Variants in CTNNA3 observed in about 807,000 individuals in gnomAD.
CTNNA3 encodes the protein catenin alpha 3.
Under a neutral mutation model 95.7 loss-of-function variants are expected in CTNNA3, and 76 were observed. The observed-to-expected ratio is 0.79, with a 90% confidence interval of 0.66 to 0.96. CTNNA3 has a LOEUF of 0.96. CTNNA3 is among the 40% of genes least tolerant of loss of function. The pLI is 0.00. For missense variants in CTNNA3, 1,191 were observed against 1,089.8 expected, an observed-to-expected ratio of 1.09 and a Z score of -1.31; for synonymous variants, 431 against 374.4, an observed-to-expected ratio of 1.15 and a Z score of -1.74.
At chr10:66,610,071 G>A (rs1844272916) in intron 10 of CTNNA3, among the ~76,000 whole-genome samples, 7 of 152,092 alleles carry the variant, frequency 4.6e-5, no homozygotes, top group Admixed American at 4.6e-4. Context: ...ACACATAGAG[G>A]GAAACAATAG....
At chr10:67,589,046 A>G (rs1842719629) in intron 3 of CTNNA3, among the ~76,000 whole-genome samples, 1 of 152,060 alleles carries the variant, frequency 6.6e-6, no homozygotes, top group Non-Finnish European at 1.5e-5. Context: ...AGGTTTCAAT[A>G]AATAATTATT....
chr10:66,847,760 T>G (rs1347994153), intron 7 of CTNNA3, among the ~76,000 whole-genome samples: 1 of 152,112 alleles, frequency 6.6e-6, no homozygotes, highest in African/African-American at 2.4e-5. Context: ...ATGTATAAAT[T>G]TTATTTTGAG....
At chr10:66,052,170 G>A (rs2079972495) in intron 15 of CTNNA3, among the ~76,000 whole-genome samples, 2 of 152,068 alleles carry the variant, frequency 1.3e-5, no homozygotes, top group African/African-American at 4.8e-5. Flanking sequence ...ACAAACAGAA[G>A]GCATTCTTAC....
intron 5 of CTNNA3, among the ~76,000 whole-genome samples, chr10:67,345,501 C>T (rs567952785): frequency 1.2e-4 from 18 of 152,056 alleles, no homozygotes; most frequent in South Asian, 4.2e-4. Context: ...TATATCTGGG[C>T]GCTTCAGTGT....
At chr10:66,824,911 C>T (rs565005830) in intron 7 of CTNNA3, among the ~76,000 whole-genome samples, 11 of 152,074 alleles carry the variant, frequency 7.2e-5, no homozygotes, top group African/African-American at 2.7e-4. Context: ...CATTAATGTG[C>T]TAATGCCAGT....
intron 7 of CTNNA3, among the ~76,000 whole-genome samples, chr10:67,087,154 T>A (rs1469847188): frequency 6.6e-6 from 1 of 152,026 alleles, no homozygotes; most frequent in Non-Finnish European, 1.5e-5. Flanking sequence ...AAGATTTACA[T>A]GTAAATGAAC....
At chr10:66,931,930 T>A (rs553769086) in intron 7 of CTNNA3, among the ~76,000 whole-genome samples, 2 of 152,204 alleles carry the variant, frequency 1.3e-5, no homozygotes, top group Non-Finnish European at 2.9e-5. Context: ...GCAAGATACA[T>A]GTAATTTAGG....
At chr10:67,519,179 A>G (rs1320666231) in intron 5 of CTNNA3, among the ~76,000 whole-genome samples, 1 of 152,170 alleles carries the variant, frequency 6.6e-6, no homozygotes, top group African/African-American at 2.4e-5. Flanking sequence ...TCAGAAAAAC[A>G]GAAGTGAGAG....
At chr10:67,007,431 A>G (rs929476235) in intron 7 of CTNNA3, among the ~76,000 whole-genome samples, 5 of 151,818 alleles carry the variant, frequency 3.3e-5, no homozygotes, top group Non-Finnish European at 7.4e-5. Flanking sequence ...TAGCCCTTAA[A>G]TGTATACTTA....
chr10:67,026,554 T>C (rs1853400225), intron 7 of CTNNA3, among the ~76,000 whole-genome samples: 1 of 152,124 alleles, frequency 6.6e-6, no homozygotes, highest in Non-Finnish European at 1.5e-5. Context: ...AAGAGGAACA[T>C]GCCTTCAAAT....
intron 9 of CTNNA3, among the ~76,000 whole-genome samples, chr10:66,645,469 C>A (rs548035903): frequency 4.9e-4 from 75 of 152,216 alleles, no homozygotes; most frequent in Non-Finnish European, 9.0e-4. Flanking sequence ...AAAATGCTGT[C>A]TTTCTTCTAT....
chr10:67,184,141 A>T (rs1862721550), intron 6 of CTNNA3, among the ~76,000 whole-genome samples: 1 of 152,232 alleles, frequency 6.6e-6, no homozygotes, highest in East Asian at 1.9e-4. Context: ...CGCTTTGGCC[A>T]ACTTTCTTAA....
intron 13 of CTNNA3, among the ~76,000 whole-genome samples, chr10:66,180,931 T>G (rs1048643455): frequency 6.6e-6 from 1 of 152,160 alleles, no homozygotes. Context: ...TAGTGGCCAC[T>G]TACATAAATA....
intron 10 of CTNNA3, among the ~76,000 whole-genome samples, chr10:66,613,204 C>T (rs1269977287): frequency 6.6e-6 from 1 of 152,002 alleles, no homozygotes; most frequent in Admixed American, 6.6e-5. Context: ...ATTTTTTACC[C>T]CACTTTCCCA....
At chr10:67,079,542 A>AT (rs1856926679) in intron 7 of CTNNA3, among the ~76,000 whole-genome samples, 2 of 152,184 alleles carry the variant, frequency 1.3e-5, no homozygotes, top group Admixed American at 1.3e-4. Flanking sequence ...AATTAGGAAG[A>AT]TAAAACATAA....
At chr10:67,140,408 A>T (rs1016469487) in intron 7 of CTNNA3, among the ~76,000 whole-genome samples, 1 of 152,180 alleles carries the variant, frequency 6.6e-6, no homozygotes, top group African/African-American at 2.4e-5. Flanking sequence ...GCTCTAACAC[A>T]GAAGAAGCAT....
At chr10:66,085,618 T>C (rs546094385) in intron 14 of CTNNA3, among the ~76,000 whole-genome samples, 1 of 152,182 alleles carries the variant, frequency 6.6e-6, no homozygotes. Flanking sequence ...AATGTTGGCA[T>C]GTTATTCTGA....
chr10:66,146,097 C>T (rs1403029009), intron 13 of CTNNA3, among the ~76,000 whole-genome samples: 2 of 152,176 alleles, frequency 1.3e-5, no homozygotes, highest in Admixed American at 6.5e-5. Context: ...TGTGATCCAC[C>T]TGCTTTGGCC....
intron 9 of CTNNA3, among the ~76,000 whole-genome samples, chr10:66,731,624 T>A (rs573408651): frequency 1.3e-5 from 2 of 152,328 alleles, no homozygotes; most frequent in African/African-American, 2.4e-5. Context: ...AACATTTTGA[T>A]GAGAAATTTT....
Sources: gnomAD v4.1 joint callset for allele counts (sites outside exome capture counted in the v4.1 genomes callset) on GRCh38, gnomAD v4.1.1 for gene constraint, MANE v1.5 for transcripts, NCBI Gene and HGNC (gene_info 2026-07-23, HGNC 2026-07-21) for gene names.